SAP130: variants seen among roughly 807,000 people sequenced by gnomAD.
SAP130 encodes the protein histone deacetylase complex subunit SAP130.
Under a neutral mutation model 103.2 loss-of-function variants are expected in SAP130, and 16 were observed. The ratio of observed to expected loss-of-function variants is 0.16; its 90% CI spans 0.10 to 0.24. The LOEUF (loss-of-function observed/expected upper bound fraction) is 0.24. Ranked by LOEUF, SAP130 falls within the 10% of genes least tolerant of loss-of-function variation. The pLI, the probability that SAP130 is intolerant of heterozygous loss-of-function variation, is 1.00. For synonymous variants in SAP130, 477 were observed against 497.0 expected, an observed-to-expected ratio of 0.96 and a Z score of 0.53; for missense variants, 990 against 1,359.7, an observed-to-expected ratio of 0.73 and a Z score of 4.28.
At chr2:127,991,645 C>T (rs1682819464) in intron 12 of SAP130, among the ~76,000 whole-genome samples, 1 of 152,124 alleles carries the variant, frequency 6.6e-6, no homozygotes, top group South Asian at 2.1e-4. Context: ...AAATTCTTAA[C>T]AAGATATTTT....
intron 1 of SAP130, among the ~76,000 whole-genome samples, chr2:128,027,615 T>TGGGC (rs1307800904): frequency 2.0e-5 from 3 of 148,774 alleles, no homozygotes; most frequent in Non-Finnish European, 4.5e-5. Flanking sequence ...CCAAACTCCC[T>TGGGC]GGGCCGGCCG....
At position 127,942,804 on chromosome 2, in the gene SAP130, C is replaced by T. The variant is rs1451964501; in HGVS notation, c.2902-267G>A. 6.6e-6 allele frequency among the ~76,000 whole-genome samples: 1 copy of T among 152,070 alleles called. No homozygotes were observed. The highest frequency in any genetic ancestry group is 2.1e-4 in the South Asian group (1 of 4,824). On this transcript the variant is annotated intron_variant, in intron 19 of 20. Coordinates refer to ENST00000643581, the MANE Select transcript of SAP130 (RefSeq NM_001330301.2). The surrounding 1 kb of genome is among the most constrained non-coding windows in gnomAD (Gnocchi z 4.8). ...CAGAGTTTGAGACCAGCCTGACCAACAAGGTGAAACGCCATCTCTATTAAA... is the reference window on the plus strand; with the variant it reads ...CAGAGTTTGAGACCAGCCTGACCAATAAGGTGAAACGCCATCTCTATTAAA...
At chr2:128,000,026 G>A in intron 9 of SAP130, 30 bp downstream of exon 9, 1 of 1,601,660 alleles carries the variant, frequency 6.2e-7, no homozygotes, top group Non-Finnish European at 8.6e-7. Context: ...TTTTTCCCCA[G>A]TAGAAGGAAG....
chr2:128,002,947 C>T (rs1342690102), intron 7 of SAP130, among the ~76,000 whole-genome samples: 3 of 151,782 alleles, frequency 2.0e-5, no homozygotes, highest in Non-Finnish European at 4.4e-5. Flanking sequence ...GGCAACATGG[C>T]GAAATTCCAC....
chr2:128,014,734 T>TA, intron 5 of SAP130, 69 bp downstream of exon 5: 1 of 1,065,758 alleles, frequency 9.4e-7, no homozygotes, highest in South Asian at 1.3e-5. Context: ...CATTCTGTGT[T>TA]ACGTATTTTA....
chr2:127,954,273 C>T (rs531145590), intron 16 of SAP130, among the ~76,000 whole-genome samples: 5 of 152,092 alleles, frequency 3.3e-5, no homozygotes, highest in Non-Finnish European at 4.4e-5. Flanking sequence ...ACACCTCTAT[C>T]GGGCAAACAG....
At chr2:127,961,920 G>A (rs924419724) in intron 15 of SAP130, among the ~76,000 whole-genome samples, 3 of 152,150 alleles carry the variant, frequency 2.0e-5, no homozygotes, top group African/African-American at 7.2e-5. Flanking sequence ...TCAGAGTGGA[G>A]CTGTCCAGGG....
At chr2:127,974,076 A>G (rs940580902) in intron 15 of SAP130, among the ~76,000 whole-genome samples, 1 of 152,056 alleles carries the variant, frequency 6.6e-6, no homozygotes, top group African/African-American at 2.4e-5. Context: ...AACAAAAAAC[A>G]CTACCTCCAT....
intron 1 of SAP130, chr2:128,027,331 T>C (rs1685589413): frequency 2.9e-6 from 2 of 681,174 alleles, no homozygotes; most frequent in Non-Finnish European, 1.9e-6. Context: ...CGCCCGCCCA[T>C]TGGCCCCACG....
chr2:127,966,269 T>C (rs1270585483), intron 15 of SAP130, among the ~76,000 whole-genome samples: 2 of 150,730 alleles, frequency 1.3e-5, no homozygotes, highest in African/African-American at 2.4e-5. Context: ...CACTTGAACC[T>C]GCGAGGTGGA....
At position 127,948,328 on chromosome 2, in the gene SAP130, G is replaced by GTTTT. The variant is rs71307269; in HGVS notation, c.2797+1537_2797+1540dup. ...TTTGTTTCTCTTTTCTTTCCTGTGA[G>GTTTT]TTTTTTTTTTTTTTTTTTTTTTTGA... On this transcript the variant is annotated intron_variant, in intron 18 of 20. Coordinates refer to ENST00000643581, the MANE Select transcript of SAP130 (RefSeq NM_001330301.2). 1.2e-3 allele frequency among the ~76,000 whole-genome samples: 123 copies of GTTTT among 101,530 alleles called. 1 individual carries two copies. The highest frequency in any genetic ancestry group is 1.6e-3 in the Non-Finnish European group (82 of 50,516). The allele number at this position is 101,530 out of a possible 152,430, so 66.6% of individuals were successfully genotyped here.
intron 15 of SAP130, among the ~76,000 whole-genome samples, chr2:127,966,663 A>G (rs1377870447): frequency 2.0e-5 from 3 of 152,164 alleles, no homozygotes; most frequent in Non-Finnish European, 2.9e-5. Flanking sequence ...AGACTGCGCC[A>G]CTGCACTCCA....
chr2:127,971,370 C>T (rs1681080045), intron 15 of SAP130, among the ~76,000 whole-genome samples: 1 of 151,688 alleles, frequency 6.6e-6, no homozygotes, highest in Non-Finnish European at 1.5e-5. Context: ...ACTGCAAGCT[C>T]CACCTCCAGG....
chr2:128,014,971 T>C, intron 4 of SAP130, 57 bp from the exon 5 acceptor site: 2 of 1,436,790 alleles, frequency 1.4e-6, no homozygotes, highest in South Asian at 1.2e-5. Context: ...CCATTGCCTC[T>C]AGGAAGTCAC....
chr2:127,981,559 CCT>C (rs61473629), intron 14 of SAP130, among the ~76,000 whole-genome samples: 4 of 103,518 alleles, frequency 3.9e-5, no homozygotes, highest in Non-Finnish European at 6.0e-5. Context: ...CTCCTGCACC[CCT>C]GACTCAGCTC....
In SAP130 at chr2:128,002,072, G is replaced by A. The variant is rs149087466; in HGVS notation, c.870-1618C>T. On this transcript the variant is annotated intron_variant, in intron 7 of 20. Transcript: ENST00000643581. ...CTCCTGAGTAGCTGGGACTACAGGCGCGTGCCACAATGCCTGGCTAATTTT... is the reference window on the plus strand; with the variant it reads ...CTCCTGAGTAGCTGGGACTACAGGCACGTGCCACAATGCCTGGCTAATTTT... 8.8e-3 allele frequency among the ~76,000 whole-genome samples: 1,333 copies of A among 152,054 alleles called. 20 individuals are homozygous for A. Among genetic ancestry groups the A allele is most frequent in the African/African-American group, 0.031 (1,278 of 41,482 alleles).
chr2:127,990,210 A>C (rs1295784631), intron 12 of SAP130, among the ~76,000 whole-genome samples: 1 of 152,208 alleles, frequency 6.6e-6, no homozygotes, highest in African/African-American at 2.4e-5. Context: ...TCCCAGGTCA[A>C]GAACCTCTGC....
intron 14 of SAP130, among the ~76,000 whole-genome samples, chr2:127,983,820 GTTGTTT>G (rs1278189440): frequency 1.2e-4 from 14 of 112,368 alleles, no homozygotes; most frequent in African/African-American, 2.3e-4. Flanking sequence ...CTATTACTTT[GTTGTTT>G]TTTTTTTTTT....
At chr2:127,990,110 G>A (rs1449707734) in intron 12 of SAP130, among the ~76,000 whole-genome samples, 8 of 151,930 alleles carry the variant, frequency 5.3e-5, no homozygotes, top group Admixed American at 5.2e-4. Flanking sequence ...ATTAAAACAA[G>A]AAAAAAGGCA....
Sources: gnomAD v4.1 joint callset for allele counts (sites outside exome capture counted in the v4.1 genomes callset) on GRCh38, gnomAD v4.1.1 for gene constraint, Gnocchi (gnomAD v3.1) non-coding constraint, MANE v1.5 for transcripts, NCBI Gene and HGNC (gene_info 2026-07-23, HGNC 2026-07-21) for gene names.